The following EPHA4 variants were observed in gnomAD, a reference collection of about 807,000 sequenced individuals.
The protein encoded by EPHA4 is EPH receptor A4.
In EPHA4, 19 loss-of-function variants were observed where a neutral mutation model predicts 108.3. The ratio of observed to expected loss-of-function variants is 0.18; its 90% CI spans 0.12 to 0.26. The LOEUF is 0.26. EPHA4 is among the 10% of genes least tolerant of loss of function. The pLI is 1.00. For missense variants in EPHA4, 917 were observed against 1,254.0 expected (o/e 0.73, Z 4.06); for synonymous variants, 449 against 455.5 (o/e 0.99, Z 0.18).
intron 4 of EPHA4, among the ~76,000 whole-genome samples, chr2:221,493,073 T>C (rs1692196350): frequency 6.6e-6 from 1 of 152,214 alleles, no homozygotes; most frequent in Non-Finnish European, 1.5e-5. Flanking sequence ...TTTACGACAC[T>C]TTGGGAATCT....
chr2:221,566,587 C>A (rs1352223299), intron 2 of EPHA4, among the ~76,000 whole-genome samples: 2 of 151,134 alleles, frequency 1.3e-5, no homozygotes, highest in East Asian at 3.9e-4. Context: ...ATTTATCTTA[C>A]AATAATGCTT....
chr2:221,537,519 G>A (rs1286199910), intron 3 of EPHA4, among the ~76,000 whole-genome samples: 1 of 152,236 alleles, frequency 6.6e-6, no homozygotes, highest in Non-Finnish European at 1.5e-5. Flanking sequence ...TGGCACAGTG[G>A]CTCACATCTG....
rs1689712856 is a variant in EPHA4 at position 221,420,173 on chromosome 2, C to T, written c.*1199G>A. The T allele has an allele frequency of 6.5e-6, 1 of 152,730 alleles. No homozygotes were observed. The highest frequency in any genetic ancestry group is 1.9e-4 in the East Asian group (1 of 5,182). 9.5% of individuals were successfully genotyped at this position (152,730 alleles called of 1,614,324 possible). On this transcript the variant is annotated 3_prime_UTR_variant, in exon 18 of 18. Coordinates refer to ENST00000281821, the MANE Select transcript of EPHA4 (RefSeq NM_004438.5). ...CATAGTAAGACCTGTAGCATTTGGT[C>T]ACTTGCTGCCACACCAATGCAGCAG...
intron 5 of EPHA4, among the ~76,000 whole-genome samples, chr2:221,469,704 G>A (rs1333947681): frequency 6.6e-6 from 1 of 152,134 alleles, no homozygotes; most frequent in East Asian, 1.9e-4. Flanking sequence ...CTAAGACCTG[G>A]ACTGAGACCA....
chr2:221,440,267 G>A (rs909453671), intron 11 of EPHA4, among the ~76,000 whole-genome samples: 1 of 152,182 alleles, frequency 6.6e-6, no homozygotes, highest in Non-Finnish European at 1.5e-5. Context: ...AGTTACAGCT[G>A]TAATAGCTAC....
At chr2:221,561,996 C>G (rs1694481854) in intron 3 of EPHA4, among the ~76,000 whole-genome samples, 1 of 152,172 alleles carries the variant, frequency 6.6e-6, no homozygotes, top group African/African-American at 2.4e-5. Flanking sequence ...GCTCATTTCA[C>G]TGTTCCTGCT....
At chr2:221,562,864 G>C (rs1694511372) in intron 3 of EPHA4, among the ~76,000 whole-genome samples, 2 of 151,978 alleles carry the variant, frequency 1.3e-5, no homozygotes, top group Non-Finnish European at 2.9e-5. Context: ...CCAGTATTCT[G>C]ACAGGAAGGG....
At chr2:221,448,605 A>G (rs1312316874) in intron 8 of EPHA4, among the ~76,000 whole-genome samples, 1 of 152,166 alleles carries the variant, frequency 6.6e-6, no homozygotes, top group Non-Finnish European at 1.5e-5. Context: ...GTCAGGGACT[A>G]CTAAAATAAC....
At chr2:221,546,840 A>G (rs1177117632) in intron 3 of EPHA4, among the ~76,000 whole-genome samples, 3 of 152,264 alleles carry the variant, frequency 2.0e-5, no homozygotes, top group East Asian at 1.9e-4. Flanking sequence ...AAATACTTGT[A>G]TATAGATAGC....
At chr2:221,496,778 G>C (rs1052445844) in intron 4 of EPHA4, among the ~76,000 whole-genome samples, 1 of 152,022 alleles carries the variant, frequency 6.6e-6, no homozygotes, top group South Asian at 2.1e-4. Context: ...ATGTGGTGGC[G>C]TGTGCCTGTA....
chr2:221,551,512 T>A (rs1188513222), intron 3 of EPHA4, among the ~76,000 whole-genome samples: 1 of 152,160 alleles, frequency 6.6e-6, no homozygotes, highest in African/African-American at 2.4e-5. Flanking sequence ...AGAAGAAAGA[T>A]CTAACAATGC....
At chr2:221,482,735 C>A (rs767209793) in intron 4 of EPHA4, 45 bp from the exon 5 acceptor site, 2 of 1,491,286 alleles carry the variant, frequency 1.3e-6, no homozygotes, top group East Asian at 2.3e-5. Context: ...CCGAAATACC[C>A]TTTTGGAATC....
At chr2:221,492,689 C>T (rs1269856835) in intron 4 of EPHA4, among the ~76,000 whole-genome samples, 1 of 152,244 alleles carries the variant, frequency 6.6e-6, no homozygotes, top group Non-Finnish European at 1.5e-5. Context: ...CAGCAGCATA[C>T]GTTGACGGCT....
At chr2:221,548,218 G>T (rs538806149) in intron 3 of EPHA4, among the ~76,000 whole-genome samples, 1 of 152,134 alleles carries the variant, frequency 6.6e-6, no homozygotes, top group African/African-American at 2.4e-5. Flanking sequence ...TTAGCCAGGC[G>T]TGGCGCCGCA....
intron 5 of EPHA4, among the ~76,000 whole-genome samples, chr2:221,461,035 G>A (rs180695614): frequency 1.8e-4 from 28 of 152,254 alleles, no homozygotes; most frequent in African/African-American, 6.3e-4. Flanking sequence ...ATAAAACAAT[G>A]TTATCAATGT....
At position 221,527,496 on chromosome 2, in the gene EPHA4, G is replaced by A. The variant is rs541312191; in HGVS notation, c.824-26324C>T. 9.2e-5 allele frequency among the ~76,000 whole-genome samples: 14 copies of A among 152,286 alleles called. No homozygotes were observed. In the East Asian group the frequency reaches 1.7e-3, roughly 19 times the overall value. On this transcript the variant is annotated intron_variant, in intron 3 of 17. Coordinates refer to ENST00000281821, the MANE Select transcript of EPHA4 (RefSeq NM_004438.5). ...AGCCCCATATGACAGAGGCTCCTGT[G>A]GTGAGGCCCACTGAGAGTCCACTCT...
chr2:221,547,598 A>G (rs1694035586), intron 3 of EPHA4, among the ~76,000 whole-genome samples: 1 of 152,226 alleles, frequency 6.6e-6, no homozygotes, highest in African/African-American at 2.4e-5. Context: ...AGGGCCACCC[A>G]TTGGCAGGTG....
At chr2:221,528,017 ACCCCCAACCCCGCCGTTT>A (rs1559280371) in intron 3 of EPHA4, among the ~76,000 whole-genome samples, 1 of 114,222 alleles carries the variant, frequency 8.8e-6, no homozygotes, top group African/African-American at 3.2e-5. Context: ...CTACCTAACC[ACCCCCAACCCCGCCGTTT>A]CCCCTCCCCT....
chr2:221,478,102 C>T (rs960011409), intron 5 of EPHA4, among the ~76,000 whole-genome samples: 13 of 151,964 alleles, frequency 8.6e-5, no homozygotes, highest in African/African-American at 2.2e-4. Flanking sequence ...TGATTTAAAA[C>T]GCCAGAATAT....
Sources: gnomAD v4.1 joint callset for allele counts (sites outside exome capture counted in the v4.1 genomes callset) on GRCh38, gnomAD v4.1.1 for gene constraint, MANE v1.5 for transcripts, NCBI Gene and HGNC (gene_info 2026-07-23, HGNC 2026-07-21) for gene names.